The following OSBPL9 variants were observed in gnomAD, a reference collection of about 807,000 sequenced individuals.
OSBPL9 encodes oxysterol-binding protein-related protein 9.
In OSBPL9, 40 loss-of-function variants were observed where a neutral mutation model predicts 106.6. The observed-to-expected ratio is 0.38, with a 90% CI of 0.29 to 0.49. The LOEUF is 0.49. Among genes scored for constraint, OSBPL9 ranks in the 20% least tolerant of loss-of-function variants. The pLI is 0.97. For synonymous variants in OSBPL9, 269 were observed against 295.4 expected (o/e 0.91, Z 0.92); for missense variants, 609 against 887.2 (o/e 0.69, Z 3.98).
At chr1:51,783,177 G>A (rs1255478464) in intron 17 of OSBPL9, among the ~76,000 whole-genome samples, 1 of 151,596 alleles carries the variant, frequency 6.6e-6, no homozygotes, top group African/African-American at 2.4e-5. Flanking sequence ...TTTTTATTTT[G>A]TATTTTTAAA....
chr1:51,710,788 T>A (rs556985101), intron 3 of OSBPL9, among the ~76,000 whole-genome samples: 3 of 152,252 alleles, frequency 2.0e-5, no homozygotes, highest in Non-Finnish European at 4.4e-5. Flanking sequence ...CTGGCTGTTT[T>A]AAAGATATTT....
intron 3 of OSBPL9, among the ~76,000 whole-genome samples, chr1:51,677,489 G>A (rs1255464929): frequency 6.6e-6 from 1 of 152,036 alleles, no homozygotes; most frequent in Non-Finnish European, 1.5e-5. Context: ...AAAATTAAGG[G>A]TATGTATGTG....
At chr1:51,748,534 C>A in intron 7 of OSBPL9, 136 bp downstream of exon 7, 1 of 996,096 alleles carries the variant, frequency 1.0e-6, no homozygotes, top group Non-Finnish European at 1.3e-6. Context: ...GGTGCTTAAG[C>A]ATTGTATTTT....
chr1:51,740,069 C>T lies in OSBPL9; in HGVS notation c.319-5467C>T, dbSNP rs1332642112. On this transcript the variant is annotated intron_variant, in intron 4 of 23. Transcript: ENST00000428468. Reference sequence around the variant, plus strand: ...GTTACAGATTTTTCTCTTACTATTCCTTTACTTGATTATTGATGTTAGACT... The same window carrying T: ...GTTACAGATTTTTCTCTTACTATTCTTTTACTTGATTATTGATGTTAGACT... The T allele has an allele frequency of 2.6e-6, 4 of 1,534,616 alleles. No individual in the cohort carries two copies. In the African/African-American group the frequency reaches 4.2e-5, roughly 16 times the overall value.
chr1:51,584,652 G>T (rs1366392030), intron 1 of OSBPL9, among the ~76,000 whole-genome samples: 1 of 152,112 alleles, frequency 6.6e-6, no homozygotes, highest in Non-Finnish European at 1.5e-5. Context: ...TGAGGCAGAG[G>T]TTGCAGTGAG....
chr1:51,691,857 TCTTGTCCCGCTGGAAGGTTTTCAGGGG>T (rs1173853029), intron 3 of OSBPL9, among the ~76,000 whole-genome samples: 2 of 152,128 alleles, frequency 1.3e-5, no homozygotes, highest in African/African-American at 4.8e-5. Context: ...TGCCTCCACA[TCTTGTCCCGCTGGAAGGTTTTCAGGGG>T]CAATAACAGG....
At chr1:51,579,450 T>G (rs1246226073) in intron 1 of OSBPL9, among the ~76,000 whole-genome samples, 1 of 152,214 alleles carries the variant, frequency 6.6e-6, no homozygotes, top group African/African-American at 2.4e-5. Flanking sequence ...GAAATGCTTA[T>G]TTAGATAAAA....
At chr1:51,657,334 A>G (rs959351222) in intron 2 of OSBPL9, among the ~76,000 whole-genome samples, 1 of 152,206 alleles carries the variant, frequency 6.6e-6, no homozygotes, top group African/African-American at 2.4e-5. Flanking sequence ...CCATAGAGGA[A>G]ACCCAGATCA....
At chr1:51,733,343 G>T (rs745672802) in intron 4 of OSBPL9, among the ~76,000 whole-genome samples, 1 of 152,192 alleles carries the variant, frequency 6.6e-6, no homozygotes, top group Non-Finnish European at 1.5e-5. Flanking sequence ...TAGCTTAAGT[G>T]TGTAAACCTT....
chr1:51,562,634 T>C, the OSBPL9 span, among the ~76,000 whole-genome samples: 33 of 152,198 alleles, frequency 2.2e-4, no homozygotes, highest in Non-Finnish European at 4.3e-4. Context: ...AAATTCCCCT[T>C]GCTACCCAGA....
intron 2 of OSBPL9, among the ~76,000 whole-genome samples, chr1:51,656,196 A>C (rs1451924041): frequency 1.3e-5 from 2 of 152,200 alleles, no homozygotes; most frequent in East Asian, 3.8e-4. Context: ...ACATTTCTTA[A>C]CTTTTATGAG....
intron 3 of OSBPL9, among the ~76,000 whole-genome samples, chr1:51,698,489 CAT>C (rs948664752): frequency 6.6e-5 from 10 of 152,212 alleles, no homozygotes; most frequent in African/African-American, 2.2e-4. Context: ...CATATGTACA[CAT>C]ATGTGTGCAT....
intron 4 of OSBPL9, among the ~76,000 whole-genome samples, chr1:51,736,083 A>G (rs1164306461): frequency 2.6e-5 from 4 of 152,134 alleles, no homozygotes; most frequent in Non-Finnish European, 4.4e-5. Context: ...ACATTGCAGA[A>G]TTCCTTAATT....
At position 51,787,832 on chromosome 1, in the gene OSBPL9, G is replaced by T. The variant is rs779989458; in HGVS notation, c.*43G>T. On this transcript the variant is annotated 3_prime_UTR_variant, in exon 24 of 24. Coordinates refer to ENST00000428468, the MANE Select transcript of OSBPL9 (RefSeq NM_024586.6). ...TTATACCTGATGATCAGGGCAGTAG[G>T]CATAATTCAGCAACAAACAATCTTC... 2 of 1,486,082 alleles carry T rather than the reference G, an allele frequency of 1.3e-6. No individual in the cohort carries two copies. Among genetic ancestry groups the T allele is most frequent in the East Asian group, 4.5e-5 (2 of 44,220 alleles). 92.1% of individuals were successfully genotyped at this position (1,486,082 alleles called of 1,614,324 possible).
intron 8 of OSBPL9, among the ~76,000 whole-genome samples, chr1:51,753,797 A>G (rs761632984): frequency 1.3e-5 from 2 of 152,164 alleles, no homozygotes; most frequent in Admixed American, 6.5e-5. Flanking sequence ...TGATTAGTGT[A>G]TTGGTTCCTA....
chr1:51,785,665 G>T, intron 20 of OSBPL9, 143 bp from the exon 21 acceptor site: 1 of 637,334 alleles, frequency 1.6e-6, no homozygotes, highest in Admixed American at 3.0e-5. Context: ...TAGCCCTGGG[G>T]AGTCCAGTTC....
intron 4 of OSBPL9, among the ~76,000 whole-genome samples, chr1:51,716,579 C>A (rs951212371): frequency 2.6e-5 from 4 of 152,164 alleles, no homozygotes; most frequent in Admixed American, 2.6e-4. Flanking sequence ...ACTGTTCCTA[C>A]CATTCCCTCT....
At chr1:51,749,662 T>A (rs1303378777) in intron 7 of OSBPL9, 3 of 194,938 alleles carry the variant, frequency 1.5e-5, no homozygotes, top group Non-Finnish European at 2.3e-5. Flanking sequence ...GATGTAAGAA[T>A]TCGTAAGTTA....
At chr1:51,659,373 C>T (rs752328277) in intron 2 of OSBPL9, among the ~76,000 whole-genome samples, 2 of 151,730 alleles carry the variant, frequency 1.3e-5, no homozygotes, top group African/African-American at 2.4e-5. Flanking sequence ...TAAGTCTGAA[C>T]GATAATGAGA....
Sources: gnomAD v4.1 joint callset for allele counts (sites outside exome capture counted in the v4.1 genomes callset) on GRCh38, gnomAD v4.1.1 for gene constraint, MANE v1.5 for transcripts, NCBI Gene and HGNC (gene_info 2026-07-23, HGNC 2026-07-21) for gene names.